Variants in CSRNP3 observed in about 807,000 individuals in gnomAD.
The protein encoded by CSRNP3 is cysteine and serine rich nuclear protein 3.
A neutral mutation model predicts 48.0 loss-of-function variants in CSRNP3; 12 were observed. The ratio of observed to expected loss-of-function variants is 0.25; its 90% CI spans 0.16 to 0.41. CSRNP3 has a LOEUF of 0.41. Among genes scored for constraint, CSRNP3 ranks in the 10% least tolerant of loss-of-function variants. The probability of loss-of-function intolerance (pLI) is 1.00; values close to 1 mark genes in which losing one functional copy is unlikely to be tolerated. For synonymous variants in CSRNP3, 263 were observed against 269.7 expected (o/e 0.98, Z 0.24); for missense variants, 580 against 724.4 (o/e 0.80, Z 2.29).
At chr2:165,647,671 T>G (rs1321909197) in intron 4 of CSRNP3, among the ~76,000 whole-genome samples, 1 of 152,218 alleles carries the variant, frequency 6.6e-6, no homozygotes, top group Non-Finnish European at 1.5e-5. Flanking sequence ...GAGAGAGCAG[T>G]AGGCATTCAG....
At chr2:165,667,002 A>G (rs201331388) in intron 5 of CSRNP3, among the ~76,000 whole-genome samples, 6 of 139,334 alleles carry the variant, frequency 4.3e-5, no homozygotes, top group Admixed American at 1.4e-4. Flanking sequence ...AAAGAGAGAG[A>G]GAGGAAGGAA....
intron 4 of CSRNP3, among the ~76,000 whole-genome samples, chr2:165,614,154 A>G (rs779574209): frequency 1.4e-4 from 21 of 152,220 alleles, no homozygotes; most frequent in South Asian, 2.1e-4. Flanking sequence ...GATCTTTCTT[A>G]CAATGTGTTA....
At chr2:165,592,364 G>T (rs1685731471) in intron 3 of CSRNP3, among the ~76,000 whole-genome samples, 1 of 152,174 alleles carries the variant, frequency 6.6e-6, no homozygotes, top group Admixed American at 6.5e-5. Context: ...CCTTGCCTCA[G>T]ATGAGACGTT....
chr2:165,478,198 A>C (rs866652809), intron 1 of CSRNP3, among the ~76,000 whole-genome samples: 21 of 152,326 alleles, frequency 1.4e-4, no homozygotes, highest in Middle Eastern at 6.8e-3. Flanking sequence ...TTTAAGACAG[A>C]TGTATATCTA....
At chr2:165,566,443 G>A (rs1558936229) in intron 3 of CSRNP3, among the ~76,000 whole-genome samples, 1 of 151,330 alleles carries the variant, frequency 6.6e-6, no homozygotes, top group Non-Finnish European at 1.5e-5. Context: ...TAAAACCACA[G>A]TACCTGGGTT....
intron 4 of CSRNP3, among the ~76,000 whole-genome samples, chr2:165,648,332 C>T (rs1558961396): frequency 2.0e-5 from 3 of 152,104 alleles, no homozygotes; most frequent in Non-Finnish European, 4.4e-5. Flanking sequence ...TTTAGTTTAA[C>T]AATTCACCAT....
At chr2:165,629,802 C>T (rs1336115338) in intron 4 of CSRNP3, among the ~76,000 whole-genome samples, 2 of 152,290 alleles carry the variant, frequency 1.3e-5, no homozygotes, top group South Asian at 4.1e-4. Context: ...CCTATTTGAT[C>T]TCCCTGCTTT....
At chr2:165,478,796 G>C (rs1424792965) in intron 1 of CSRNP3, among the ~76,000 whole-genome samples, 1 of 152,180 alleles carries the variant, frequency 6.6e-6, no homozygotes, top group Non-Finnish European at 1.5e-5. Flanking sequence ...CTTTGTCAGT[G>C]TATGTAGGTT....
At chr2:165,541,622 A>G (rs1260436792) in intron 3 of CSRNP3, among the ~76,000 whole-genome samples, 1 of 152,096 alleles carries the variant, frequency 6.6e-6, no homozygotes, top group Admixed American at 6.6e-5. Flanking sequence ...GAATTAGATA[A>G]TCTCTGCCTA....
intron 4 of CSRNP3, among the ~76,000 whole-genome samples, chr2:165,645,342 T>C (rs1007564570): frequency 6.7e-6 from 1 of 148,936 alleles, no homozygotes; most frequent in Non-Finnish European, 1.5e-5. Context: ...CTCAAAAAAA[T>C]AAAAATAAAT....
intron 6 of CSRNP3, 42 bp downstream of exon 6, chr2:165,676,650 T>C (rs1378262977): frequency 6.4e-7 from 1 of 1,569,960 alleles, no homozygotes; most frequent in African/African-American, 1.3e-5. Flanking sequence ...CAAGACATTG[T>C]CTACCACCCC....
chr2:165,486,448 T>A (rs1342633711), intron 1 of CSRNP3, among the ~76,000 whole-genome samples: 1 of 148,928 alleles, frequency 6.7e-6, no homozygotes, highest in African/African-American at 2.5e-5. Context: ...CCACCACAGC[T>A]CAAGGAGGCC....
At chr2:165,515,336 T>TAC (rs1386742400) in intron 2 of CSRNP3, among the ~76,000 whole-genome samples, 1 of 121,732 alleles carries the variant, frequency 8.2e-6, no homozygotes, top group African/African-American at 3.0e-5. Context: ...AAAAAAAAAA[T>TAC]ACATATATAT....
At chr2:165,599,847 T>C (rs1030699338) in intron 4 of CSRNP3, among the ~76,000 whole-genome samples, 5 of 152,144 alleles carry the variant, frequency 3.3e-5, no homozygotes, top group Non-Finnish European at 7.4e-5. Flanking sequence ...CTTAAAATGA[T>C]TACTTGTCTT....
At chr2:165,552,590 A>T (rs1380496321) in intron 3 of CSRNP3, among the ~76,000 whole-genome samples, 2 of 152,158 alleles carry the variant, frequency 1.3e-5, no homozygotes, top group African/African-American at 4.8e-5. Context: ...TTATCTTCTT[A>T]AACAGTCATC....
rs115372452 is a variant in CSRNP3 at position 165,587,262 on chromosome 2, G to A, written c.-23-7781G>A. Among the ~76,000 whole-genome samples, 1,081 of 152,304 alleles carry A rather than the reference G, an allele frequency of 7.1e-3. 8 individuals carry two copies. The highest frequency in any genetic ancestry group is 0.013 in the Non-Finnish European group (911 of 68,024). On this transcript the variant is annotated intron_variant, in intron 3 of 6. Coordinates refer to ENST00000651982, the MANE Select transcript of CSRNP3 (RefSeq NM_001172173.2). ...TTATTTAAATTTTGCAATAGACAGG[G>A]AAGTGTGGGTGCAGGGAAAGGGAAA...
At chr2:165,514,592 G>A (rs905100934) in intron 2 of CSRNP3, among the ~76,000 whole-genome samples, 7 of 152,248 alleles carry the variant, frequency 4.6e-5, no homozygotes, top group African/African-American at 1.7e-4. Context: ...CAGCACAGGT[G>A]CTAAACTGGA....
At chr2:165,504,608 G>T (rs1684399826) in intron 2 of CSRNP3, among the ~76,000 whole-genome samples, 1 of 151,974 alleles carries the variant, frequency 6.6e-6, no homozygotes, top group African/African-American at 2.4e-5. Flanking sequence ...AATACAAGCA[G>T]TCCTTTAGTT....
At position 165,592,802 on chromosome 2, in the gene CSRNP3, A is replaced by AT. The variant is rs34523205; in HGVS notation, c.-23-2224dup. 6.8e-3 allele frequency among the ~76,000 whole-genome samples: 953 copies of AT among 139,824 alleles called. 33 individuals carry two copies. The highest frequency in any genetic ancestry group is 0.022 in the African/African-American group (835 of 37,356). 91.7% of individuals were successfully genotyped at this position (139,824 alleles called of 152,430 possible). On this transcript the variant is annotated intron_variant, in intron 3 of 6. Coordinates refer to ENST00000651982, the MANE Select transcript of CSRNP3 (RefSeq NM_001172173.2). ...CTGTGAGTCAATTAAACCTCTTTTCATTTTTTTTTTTTTTTTTGAGACGGA... is the reference window on the plus strand; with the variant it reads ...CTGTGAGTCAATTAAACCTCTTTTCATTTTTTTTTTTTTTTTTTGAGACGGA...
Sources: gnomAD v4.1 joint callset for allele counts (sites outside exome capture counted in the v4.1 genomes callset) on GRCh38, gnomAD v4.1.1 for gene constraint, MANE v1.5 for transcripts, NCBI Gene and HGNC (gene_info 2026-07-23, HGNC 2026-07-21) for gene names.